Variants in MYO5B observed in about 807,000 individuals in gnomAD.
MYO5B encodes the protein unconventional myosin-Vb.
In MYO5B, 143 loss-of-function variants were observed where a neutral mutation model predicts 229.3. That is an observed-to-expected ratio of 0.62 (90% confidence interval 0.54 to 0.72). MYO5B has a LOEUF of 0.72. Ranked by LOEUF, MYO5B falls within the 30% of genes least tolerant of loss-of-function variation. The probability of loss-of-function intolerance (pLI) is 0.00; values close to 1 mark genes in which losing one functional copy is unlikely to be tolerated. For missense variants in MYO5B, 2,321 were observed against 2,331.0 expected (o/e 1.00, Z 0.09); for synonymous variants, 918 against 885.2 (o/e 1.04, Z -0.66).
At chr18:50,134,903 G>T (rs1397244138) in intron 1 of MYO5B, among the ~76,000 whole-genome samples, 1 of 152,160 alleles carries the variant, frequency 6.6e-6, no homozygotes, top group East Asian at 1.9e-4. Context: ...CACTTACTCA[G>T]ATCTGTCTTT....
chr18:49,946,157 G>T (rs2025370693), intron 14 of MYO5B: 1 of 151,808 alleles, frequency 6.6e-6, no homozygotes, highest in Non-Finnish European at 1.5e-5. Flanking sequence ...TCATTAACAG[G>T]TACAGATTGA....
At chr18:50,003,341 G>C (rs1232688748) in intron 4 of MYO5B, among the ~76,000 whole-genome samples, 1 of 152,222 alleles carries the variant, frequency 6.6e-6, no homozygotes, top group Admixed American at 6.5e-5. Flanking sequence ...TTGGGGGATA[G>C]AATTACCAGT....
chr18:50,097,235 T>G, intron 1 of MYO5B: 1 of 456,714 alleles, frequency 2.2e-6, no homozygotes, highest in Non-Finnish European at 4.4e-6. Flanking sequence ...TCCCTAGAAT[T>G]GATCTCACCT....
chr18:49,826,289 T>C lies in MYO5B; in HGVS notation c.*182A>G. The C allele has an allele frequency of 1.4e-6, 1 of 715,306 alleles. No individual in the cohort carries two copies. The highest frequency in any genetic ancestry group is 2.3e-6 in the Non-Finnish European group (1 of 430,534). The allele number at this position is 715,306 out of a possible 1,614,324, so 44.3% of individuals were successfully genotyped here. ...TTTCAAGTGTTTTTATTCTGAGCAG[T>C]AGGTACAAAAAATAATGACATAGTT... On this transcript the variant is annotated 3_prime_UTR_variant, in exon 40 of 40. Transcript: ENST00000285039.
intron 18 of MYO5B, among the ~76,000 whole-genome samples, chr18:49,911,709 G>A (rs1463997950): frequency 3.9e-5 from 6 of 152,194 alleles, no homozygotes; most frequent in Non-Finnish European, 1.5e-5. Flanking sequence ...CAGACCCTCA[G>A]CTGAACTGGC....
chr18:50,048,884 T>C (rs1302741892), intron 2 of MYO5B, among the ~76,000 whole-genome samples: 1 of 151,984 alleles, frequency 6.6e-6, no homozygotes, highest in Admixed American at 6.6e-5. Context: ...TTAGCTGGCG[T>C]GGTGGCATAC....
intron 27 of MYO5B, among the ~76,000 whole-genome samples, chr18:49,871,275 G>A (rs2024453299): frequency 6.6e-6 from 1 of 152,210 alleles, no homozygotes; most frequent in Non-Finnish European, 1.5e-5. Flanking sequence ...AGAGGTTGGG[G>A]GAGGAGGAAC....
chr18:49,844,697 A>T (rs1035493809), intron 33 of MYO5B, among the ~76,000 whole-genome samples: 1 of 152,236 alleles, frequency 6.6e-6, no homozygotes, highest in African/African-American at 2.4e-5. Flanking sequence ...TCTAGTTAGA[A>T]TGCCAGTCAT....
chr18:49,903,785 C>A (rs1331080660), intron 20 of MYO5B, among the ~76,000 whole-genome samples: 1 of 152,206 alleles, frequency 6.6e-6, no homozygotes, highest in African/African-American at 2.4e-5. Flanking sequence ...GTTGGTGTTA[C>A]CTGGTTGAAC....
chr18:50,098,599 TGGA>T (rs1302179307), intron 1 of MYO5B: 1 of 152,196 alleles, frequency 6.6e-6, no homozygotes, highest in African/African-American at 2.4e-5. Context: ...GCATGGGGAC[TGGA>T]TTAACTGGGA....
chr18:50,185,322 C>A (rs1404310493), intron 1 of MYO5B, among the ~76,000 whole-genome samples: 3 of 150,350 alleles, frequency 2.0e-5, no homozygotes, highest in Admixed American at 2.0e-4. Flanking sequence ...AGAGAAAGAA[C>A]AATGACCCGA....
intron 36 of MYO5B, among the ~76,000 whole-genome samples, chr18:49,838,663 G>A (rs1444137663): frequency 6.6e-6 from 1 of 152,134 alleles, no homozygotes; most frequent in Non-Finnish European, 1.5e-5. Flanking sequence ...AAATGTAACT[G>A]CTCTCATTTC....
At position 49,875,839 on chromosome 18, in the gene MYO5B, G is replaced by C. The variant is rs1192395405; in HGVS notation, c.3397-12C>G. ...TCCAGGCCAATTTCCTTCAAAGGAA[G>C]ACAGGCACAGAAAAAAGGTTTTCCT... On this transcript the variant is annotated splice_polypyrimidine_tract_variant and intron_variant, in intron 25 of 39. Transcript: ENST00000285039. The C allele has an allele frequency of 6.2e-7, 1 of 1,614,014 alleles. No individual in the cohort carries two copies. Among genetic ancestry groups the C allele is most frequent in the East Asian group, 2.2e-5 (1 of 44,880 alleles).
At chr18:49,951,794 T>C (rs945799201) in intron 14 of MYO5B, among the ~76,000 whole-genome samples, 1 of 152,182 alleles carries the variant, frequency 6.6e-6, no homozygotes, top group African/African-American at 2.4e-5. Context: ...CCAGGCATCG[T>C]AAGAGACCAT....
intron 29 of MYO5B, 90 bp from the exon 30 acceptor site, chr18:49,856,980 C>A (rs568292654): frequency 2.2e-5 from 26 of 1,193,256 alleles, no homozygotes; most frequent in Non-Finnish European, 3.2e-5. Context: ...AGATTCTAGC[C>A]AAGGTTTGGA....
At chr18:49,859,875 G>A (rs1479180672) in intron 29 of MYO5B, among the ~76,000 whole-genome samples, 2 of 152,218 alleles carry the variant, frequency 1.3e-5, no homozygotes, top group African/African-American at 4.8e-5. Flanking sequence ...AGCAGCCGAG[G>A]CTCAAGGTCA....
At chr18:50,154,036 C>G (rs2032641391) in intron 1 of MYO5B, among the ~76,000 whole-genome samples, 1 of 152,166 alleles carries the variant, frequency 6.6e-6, no homozygotes, top group Non-Finnish European at 1.5e-5. Context: ...TCTCAACACA[C>G]AGGACCCTTC....
chr18:49,936,351 TAG>T lies in MYO5B; in HGVS notation c.1906-4_1906-3del. 1 of 1,585,962 alleles carries T rather than the reference TAG, an allele frequency of 6.3e-7. No homozygotes were observed. Among genetic ancestry groups the T allele is most frequent in the Non-Finnish European group, 8.6e-7 (1 of 1,163,394 alleles). On this transcript the variant is annotated splice_polypyrimidine_tract_variant and splice_region_variant and intron_variant, in intron 15 of 39. Coordinates refer to ENST00000285039, the MANE Select transcript of MYO5B (RefSeq NM_001080467.3). ...GAGCAGATGCAGGGAGGTACGGAAC[TAG>T]AGAGACAAAAGCCAGTGCTTGGTTA...
At chr18:50,179,568 A>T (rs778851411) in intron 1 of MYO5B, among the ~76,000 whole-genome samples, 25 of 152,316 alleles carry the variant, frequency 1.6e-4, no homozygotes, top group Non-Finnish European at 2.6e-4. Context: ...AGAGACTCAG[A>T]AAGGGCATTA....
Sources: allele counts gnomAD v4.1 joint callset (sites outside exome capture counted in the v4.1 genomes callset), GRCh38; gene constraint gnomAD v4.1.1; transcripts MANE v1.5; gene names NCBI Gene and HGNC (gene_info 2026-07-23, HGNC 2026-07-21).